Variants in ASGR2 observed in about 807,000 individuals in gnomAD.
ASGR2 encodes asialoglycoprotein receptor 2, also known as C-type lectin domain family 4 member H2.
In ASGR2, 34 loss-of-function variants were observed where a neutral mutation model predicts 32.3. That is an observed-to-expected ratio of 1.05 (90% CI 0.80 to 1.40). The LOEUF (loss-of-function observed/expected upper bound fraction) is 1.40. ASGR2 is among the 40% of genes most tolerant of loss of function. The probability of loss-of-function intolerance (pLI) is 0.00; values close to 1 mark genes in which losing one functional copy is unlikely to be tolerated. For missense variants in ASGR2, 385 were observed against 386.4 expected, an observed-to-expected ratio of 1.00 and a Z score of 0.03; for synonymous variants, 143 against 150.0, an observed-to-expected ratio of 0.95 and a Z score of 0.34.
chr17:7,111,672 A>G (rs890282876), intron 2 of ASGR2, among the ~76,000 whole-genome samples: 22 of 143,998 alleles, frequency 1.5e-4, no homozygotes, highest in South Asian at 2.1e-4. Flanking sequence ...AAAAAAAAAG[A>G]AAAGAAAGAA....
Position 7,108,660 on chromosome 17 carries a change from G to A in ASGR2, c.242-103C>T, listed in dbSNP as rs1180972704. ...TGTCCCCGCATTTGCCCCAGCTTGT[G>A]CTCCACCCCGCCTCCATCCCTTCCC... On this transcript the variant is annotated intron_variant, in intron 3 of 8. Transcript: ENST00000691900. The surrounding 1 kb of genome is among the most constrained non-coding windows in gnomAD (Gnocchi z 4.9). The A allele has an allele frequency of 1.2e-6, 2 of 1,601,400 alleles. No homozygotes were observed. Among genetic ancestry groups the A allele is most frequent in the East Asian group, 4.5e-5 (2 of 44,760 alleles).
rs1915140034 is a variant in ASGR2, at chr17:7,113,971, A to C, written c.124+146T>G. On this transcript the variant is annotated intron_variant, in intron 2 of 8. Coordinates refer to ENST00000691900, the MANE Select transcript of ASGR2 (RefSeq NM_001201352.2). This position sits in a 1 kb window ranked among gnomAD's most constrained non-coding sequence, Gnocchi z 5.1. ...CCTTTCCTGGGGTCCTGGGGTAGACAGGAAGGTGAGGTGAGGGAACAAGCG... is the reference window on the plus strand; with the variant it reads ...CCTTTCCTGGGGTCCTGGGGTAGACCGGAAGGTGAGGTGAGGGAACAAGCG... 3.2e-6 allele frequency: 4 copies of C among 1,259,034 alleles called. No individual in the cohort carries two copies. The allele number at this position is 1,259,034 out of a possible 1,614,324, so 78.0% of individuals were successfully genotyped here.
In ASGR2 at chr17:7,107,476, A is replaced by G. The variant is rs1913918042; in HGVS notation, c.410-159T>C. 1.4e-6 allele frequency: 1 copy of G among 723,664 alleles called. No individual in the cohort carries two copies. The highest frequency in any genetic ancestry group is 1.7e-5 in the South Asian group (1 of 57,882). 44.8% of individuals were successfully genotyped at this position (723,664 alleles called of 1,614,324 possible). A position where few individuals can be genotyped will look rare whatever the true frequency, so the allele number is the denominator to read the frequency against. On this transcript the variant is annotated intron_variant, in intron 5 of 8. Transcript: ENST00000691900. This position sits in a 1 kb window ranked among gnomAD's most constrained non-coding sequence, Gnocchi z 5.0. ...CACACACCACAGACATGTACACCAC[A>G]CATAGACCACACCACACACAGATCC...
intron 7 of ASGR2, among the ~76,000 whole-genome samples, 197 bp downstream of exon 7, chr17:7,106,803 C>T (rs886117675): frequency 6.6e-6 from 1 of 151,822 alleles, no homozygotes. Context: ...CTTTGGGAGG[C>T]CGAGGCAGGA....
chr17:7,114,191 T>C lies in ASGR2; in HGVS notation c.50A>G (p.Asp17Gly), dbSNP rs774575048. ...CCCCTCACCTTGATGGAAAGGATGGTCATTTTCCTCCGAGCTCAGCTGCTG... is the reference window on the plus strand; with the variant it reads ...CCCCTCACCTTGATGGAAAGGATGGCCATTTTCCTCCGAGCTCAGCTGCTG... ...DIQQLSSEEN[D>G]HPFHQGEGPG... The change falls in exon 2 of 9, where the codon GAC becomes GGC. Residue 17 changes from aspartate (D) to glycine (G), a missense_variant. Transcript: ENST00000691900. This position sits in a 1 kb window ranked among gnomAD's most constrained non-coding sequence, Gnocchi z 4.5. 18 of 1,614,042 alleles carry C rather than the reference T, an allele frequency of 1.1e-5. No individual in the cohort carries two copies. The highest frequency in any genetic ancestry group is 1.6e-4 in the Middle Eastern group (1 of 6,084).
intron 2 of ASGR2, among the ~76,000 whole-genome samples, chr17:7,109,135 G>A (rs879655468): frequency 8.6e-5 from 13 of 151,750 alleles, no homozygotes; most frequent in Non-Finnish European, 1.8e-4. Flanking sequence ...CCATGCACAC[G>A]ACTCAGGATA....
In ASGR2 at chr17:7,105,387, T is replaced by G. The variant is rs188495787; in HGVS notation, c.648+1613A>C. ...AACATCAAAAACAAAACCTGCCAGGTGCAGTTTTTGGATTACAGTGGCTCA... is the reference window on the plus strand; with the variant it reads ...AACATCAAAAACAAAACCTGCCAGGGGCAGTTTTTGGATTACAGTGGCTCA... On this transcript the variant is annotated intron_variant, in intron 7 of 8. Coordinates refer to ENST00000691900, the MANE Select transcript of ASGR2 (RefSeq NM_001201352.2). Among the ~76,000 whole-genome samples the G allele has an allele frequency of 7.2e-5, 11 of 152,236 alleles. No individual in the cohort carries two copies. In the East Asian group the frequency reaches 1.9e-3, roughly 27 times the overall value.
At position 7,114,595 on chromosome 17, in the gene ASGR2, G is replaced by A; in HGVS notation, c.-71+20C>T. 1 of 1,074,162 alleles carries A rather than the reference G, an allele frequency of 9.3e-7. No individual in the cohort carries two copies. The highest frequency in any genetic ancestry group is 1.1e-6 in the Non-Finnish European group (1 of 884,230). The allele number at this position is 1,074,162 out of a possible 1,614,324, so 66.5% of individuals were successfully genotyped here. A position where few individuals can be genotyped will look rare whatever the true frequency, so the allele number is the denominator to read the frequency against. Reference sequence around the variant, plus strand: ...GTTCCCAAGCATCCTCGTCCCAGTTGCCTCCCCAGCCTCAGTTACCTGTGA... The same window carrying A: ...GTTCCCAAGCATCCTCGTCCCAGTTACCTCCCCAGCCTCAGTTACCTGTGA... On this transcript the variant is annotated intron_variant, in intron 1 of 8. Coordinates refer to ENST00000691900, the MANE Select transcript of ASGR2 (RefSeq NM_001201352.2). The surrounding 1 kb of genome is among the most constrained non-coding windows in gnomAD (Gnocchi z 4.5).
chr17:7,107,410 C>T lies in ASGR2; in HGVS notation c.410-93G>A. The stretch of plus-strand genomic sequence containing the variant: ...CTGGGGAAGCATATACACCCACAGA[C>T]ACGTACACCATGCATAGACCACACC... On this transcript the variant is annotated intron_variant, in intron 5 of 8. Coordinates refer to ENST00000691900, the MANE Select transcript of ASGR2 (RefSeq NM_001201352.2). This position sits in a 1 kb window ranked among gnomAD's most constrained non-coding sequence, Gnocchi z 5.0. 3.8e-6 allele frequency: 5 copies of T among 1,308,622 alleles called. No homozygotes were observed. The South Asian group carries it at 5.0e-5, about 13-fold the overall frequency. 81.1% of individuals were successfully genotyped at this position (1,308,622 alleles called of 1,614,324 possible). A position where few individuals can be genotyped will look rare whatever the true frequency, so the allele number is the denominator to read the frequency against.
rs546530469 is a variant in ASGR2 at position 7,112,292 on chromosome 17, G to A, written c.124+1825C>T. Among the ~76,000 whole-genome samples the A allele has an allele frequency of 2.7e-4, 41 of 151,878 alleles. 1 individual carries two copies. In the South Asian group the frequency reaches 8.1e-3, roughly 30 times the overall value. On this transcript the variant is annotated intron_variant, in intron 2 of 8. Coordinates refer to ENST00000691900, the MANE Select transcript of ASGR2 (RefSeq NM_001201352.2). ...AGACAAGTGGAAGATGGGCCCCGGTGAGCAGCTGATCAGTGTCAGCTCCCA... is the reference window on the plus strand; with the variant it reads ...AGACAAGTGGAAGATGGGCCCCGGTAAGCAGCTGATCAGTGTCAGCTCCCA...
chr17:7,110,482 A>G (rs955216504), intron 2 of ASGR2, among the ~76,000 whole-genome samples: 1 of 152,192 alleles, frequency 6.6e-6, no homozygotes, highest in Non-Finnish European at 1.5e-5. Context: ...ATGCTGGGTC[A>G]GCCCAGCAAC....
chr17:7,105,994 G>A (rs11652098), intron 7 of ASGR2, among the ~76,000 whole-genome samples: 40,406 of 151,836 alleles, frequency 0.27, 6,380 homozygotes, highest in Admixed American at 0.42. Context: ...TCACCATTTT[G>A]GCCAGGCTGG....
chr17:7,109,606 C>T (rs79698917), intron 2 of ASGR2, among the ~76,000 whole-genome samples: 7,006 of 152,072 alleles, frequency 0.046, 509 homozygotes, highest in African/African-American at 0.15. Flanking sequence ...AGCCCGAGGT[C>T]ATCTCACAGG....
intron 2 of ASGR2, among the ~76,000 whole-genome samples, chr17:7,110,303 C>A (rs1914460505): frequency 6.6e-6 from 1 of 151,994 alleles, no homozygotes; most frequent in Non-Finnish European, 1.5e-5. Context: ...TCTCACTGCC[C>A]CCACCCCTTC....
chr17:7,101,769 T>C, intron 8 of ASGR2, 29 bp from the exon 9 acceptor site: 1 of 1,606,658 alleles, frequency 6.2e-7, no homozygotes, highest in Non-Finnish European at 8.5e-7. Flanking sequence ...ACTCGGACTC[T>C]GCCACGGTGG....
chr17:7,114,218 A>G lies in ASGR2; in HGVS notation c.23T>C (p.Ile8Thr). 6.2e-7 allele frequency: 1 copy of G among 1,613,992 alleles called. No individual in the cohort carries two copies. Among genetic ancestry groups the G allele is most frequent in the Non-Finnish European group, 8.5e-7 (1 of 1,179,984 alleles). The change falls in exon 2 of 9, where the codon ATC becomes ACC. Residue 8 changes from isoleucine to threonine, a missense_variant. Physicochemically the swap from Ile to Thr is moderately conservative, Grantham distance 89. Transcript: ENST00000691900. This position sits in a 1 kb window ranked among gnomAD's most constrained non-coding sequence, Gnocchi z 4.5. ...ATTTTCCTCCGAGCTCAGCTGCTGGATATCTTGAAAGTCCTTGGCCATGAT... is the reference window on the plus strand; with the variant it reads ...ATTTTCCTCCGAGCTCAGCTGCTGGGTATCTTGAAAGTCCTTGGCCATGAT... MAKDFQD[I>T]QQLSSEENDH... is the part of the protein sequence containing the mutation.
At chr17:7,103,271 C>T (rs907056850) in intron 7 of ASGR2, among the ~76,000 whole-genome samples, 1 of 152,240 alleles carries the variant, frequency 6.6e-6, no homozygotes, top group Non-Finnish European at 1.5e-5. Flanking sequence ...GAAACTGGGG[C>T]ATCCCTAAAT....
rs372211496 is a variant in ASGR2 at position 7,103,562 on chromosome 17, A to C, written c.649-1366T>G. Among the ~76,000 whole-genome samples the C allele has an allele frequency of 3.3e-5, 5 of 152,350 alleles. No individual in the cohort carries two copies. In the East Asian group the frequency reaches 5.8e-4, roughly 18 times the overall value. On this transcript the variant is annotated intron_variant, in intron 7 of 8. Transcript: ENST00000691900. ...AGATGATCAGAGAAGACAGTCCGGG[A>C]GAATTCATTCCCCCTTTCCTGGGTG...
Position 7,101,546 on chromosome 17 carries a change from G to C in ASGR2, c.*29C>G, listed in dbSNP as rs1405613470. 1.2e-6 allele frequency: 2 copies of C among 1,607,342 alleles called. No individual in the cohort carries two copies. The highest frequency in any genetic ancestry group is 2.7e-5 in the African/African-American group (2 of 74,830). On this transcript the variant is annotated 3_prime_UTR_variant, in exon 9 of 9. Transcript: ENST00000691900. ...AGAAGCCAGAGCTGGGCAGGTGTGG[G>C]GTATGGGTTAGCCAGAGGTGTGCTG...
Sources: gnomAD v4.1 joint callset for allele counts (sites outside exome capture counted in the v4.1 genomes callset) on GRCh38, gnomAD v4.1.1 for gene constraint, Gnocchi (gnomAD v3.1) non-coding constraint, MANE v1.5 for transcripts, NCBI Gene and HGNC (gene_info 2026-07-23, HGNC 2026-07-21) for gene names.